Variants in RYR2 observed in about 807,000 individuals in gnomAD.
The protein encoded by RYR2 is ryanodine receptor 2, also known as cardiac muscle ryanodine receptor-calcium release channel.
A neutral mutation model predicts 601.1 loss-of-function variants in RYR2; 227 were observed. The observed-to-expected ratio is 0.38, with a 90% CI of 0.34 to 0.42. RYR2 has a LOEUF of 0.42. Ranked by LOEUF, RYR2 falls within the 10% of genes least tolerant of loss-of-function variation. RYR2 has a pLI of 1.00. For missense variants in RYR2, 4,646 were observed against 6,156.5 expected (o/e 0.75, Z 8.21); for synonymous variants, 2,223 against 2,175.1 (o/e 1.02, Z -0.61).
Position 237,833,017 on chromosome 1 carries a change from T to A in RYR2, c.*370T>A. ...GCCACACTCACCCAGCCTCTTTATT[T>A]CACCATCCTGGAAGGAAACTGTCTG... On this transcript the variant is annotated 3_prime_UTR_variant, in exon 105 of 105. Transcript: ENST00000366574. The A allele has an allele frequency of 2.9e-5, 5 of 172,338 alleles. No individual in the cohort carries two copies. The highest frequency in any genetic ancestry group is 3.1e-4 in the South Asian group (2 of 6,468). 10.7% of individuals were successfully genotyped at this position (172,338 alleles called of 1,614,324 possible).
At chr1:237,204,167 C>T (rs570917924) in intron 1 of RYR2, among the ~76,000 whole-genome samples, 50 of 152,254 alleles carry the variant, frequency 3.3e-4, no homozygotes, top group African/African-American at 1.1e-3. Flanking sequence ...TGTGCCACCA[C>T]GCCTGGCTAA....
chr1:237,247,372 T>C (rs1349420520), intron 1 of RYR2, among the ~76,000 whole-genome samples: 1 of 152,180 alleles, frequency 6.6e-6, no homozygotes, highest in Non-Finnish European at 1.5e-5. Flanking sequence ...GAGTGCCCAC[T>C]CTCCCTTTCT....
At chr1:237,226,531 TAC>T (rs1364043305) in intron 1 of RYR2, among the ~76,000 whole-genome samples, 1 of 152,172 alleles carries the variant, frequency 6.6e-6, no homozygotes, top group East Asian at 1.9e-4. Context: ...CAGAAAGCAG[TAC>T]TTGGAGAGAC....
At chr1:237,521,173 G>A (rs943833149) in intron 24 of RYR2, among the ~76,000 whole-genome samples, 6 of 147,860 alleles carry the variant, frequency 4.1e-5, no homozygotes, top group African/African-American at 1.5e-4. Context: ...AAAAAGTCAA[G>A]GAGCAGGAAA....
chr1:237,200,014 G>A (rs1267331456), intron 1 of RYR2, among the ~76,000 whole-genome samples: 1 of 152,100 alleles, frequency 6.6e-6, no homozygotes, highest in Non-Finnish European at 1.5e-5. Flanking sequence ...TTCTTTACAA[G>A]TGATAGCTCA....
intron 14 of RYR2, among the ~76,000 whole-genome samples, chr1:237,448,999 T>A (rs1474325608): frequency 6.6e-6 from 1 of 152,158 alleles, no homozygotes; most frequent in Non-Finnish European, 1.5e-5. Flanking sequence ...CTTAAGTCTG[T>A]CTTCTTCCTA....
intron 2 of RYR2, among the ~76,000 whole-genome samples, chr1:237,313,339 GA>G (rs1694765346): frequency 6.6e-6 from 1 of 152,138 alleles, no homozygotes; most frequent in Non-Finnish European, 1.5e-5. Flanking sequence ...GGATTTTGGG[GA>G]GATTTTCCTT....
intron 1 of RYR2, among the ~76,000 whole-genome samples, chr1:237,215,834 ATT>A (rs1288360163): frequency 2.6e-5 from 4 of 152,184 alleles, no homozygotes; most frequent in Non-Finnish European, 5.9e-5. Flanking sequence ...ATGGATTCAT[ATT>A]TTAGTAAGCC....
intron 76 of RYR2, among the ~76,000 whole-genome samples, chr1:237,729,789 G>A (rs902425407): frequency 6.6e-6 from 1 of 152,038 alleles, no homozygotes; most frequent in Non-Finnish European, 1.5e-5. Flanking sequence ...TTTTGTTTTG[G>A]AATCCTCAGG....
chr1:237,517,694 A>G (rs1052306373), intron 24 of RYR2, among the ~76,000 whole-genome samples: 11 of 152,158 alleles, frequency 7.2e-5, no homozygotes, highest in African/African-American at 2.7e-4. Context: ...AAGTTAAAAG[A>G]AAGATACAGA....
At chr1:237,473,470 T>TTTCTTTCTTTCTTTCTTTC (rs1402083497) in intron 17 of RYR2, among the ~76,000 whole-genome samples, 3 of 149,182 alleles carry the variant, frequency 2.0e-5, no homozygotes, top group African/African-American at 4.9e-5. Context: ...TCTATCTATC[T>TTTCTTTCTTTCTTTCTTTC]ATCTATCTGG....
At chr1:237,452,247 G>A (rs950919965) in intron 14 of RYR2, among the ~76,000 whole-genome samples, 1 of 143,688 alleles carries the variant, frequency 7.0e-6, no homozygotes, top group Non-Finnish European at 1.5e-5. Flanking sequence ...ATATTATAAT[G>A]TATAGTATAG....
chr1:237,269,780 C>A (rs1689496772), intron 1 of RYR2, among the ~76,000 whole-genome samples: 1 of 152,154 alleles, frequency 6.6e-6, no homozygotes. Flanking sequence ...CTTGCTTGTC[C>A]TAAAGTCCGT....
chr1:237,778,513 T>G lies in RYR2; in HGVS notation c.11776-153T>G, dbSNP rs548339682. Among the ~76,000 whole-genome samples, 4 of 152,318 alleles carry G rather than the reference T, an allele frequency of 2.6e-5. No individual in the cohort carries two copies. The East Asian group carries it at 5.8e-4, about 22-fold the overall frequency. ...CTTAAGGATCATTATCATCACTGTA[T>G]CTCCTTCTTTCACTTTGAGTTCCTA... On this transcript the variant is annotated intron_variant, in intron 87 of 104. Transcript: ENST00000366574.
At chr1:237,730,116 C>T (rs1304407680) in intron 76 of RYR2, 144 bp from the exon 77 acceptor site, 9 of 576,020 alleles carry the variant, frequency 1.6e-5, no homozygotes, top group Non-Finnish European at 2.8e-5. Context: ...GAAGCATTGT[C>T]TTTCAGGAGG....
intron 12 of RYR2, among the ~76,000 whole-genome samples, chr1:237,425,635 A>G (rs1166706248): frequency 6.7e-6 from 1 of 148,930 alleles, no homozygotes; most frequent in Non-Finnish European, 1.5e-5. Flanking sequence ...CTCTGTCTCA[A>G]AAAAAAAAAG....
chr1:237,481,122 A>ATATATG (rs1662037581), intron 17 of RYR2, among the ~76,000 whole-genome samples: 1 of 138,560 alleles, frequency 7.2e-6, no homozygotes, highest in African/African-American at 3.0e-5. Flanking sequence ...ATATATATAT[A>ATATATG]TATACACACA....
At chr1:237,782,779 A>G (rs927246343) in intron 89 of RYR2, among the ~76,000 whole-genome samples, 3 of 152,200 alleles carry the variant, frequency 2.0e-5, no homozygotes, top group East Asian at 1.9e-4. Flanking sequence ...TATCAGTTCA[A>G]TGGTAATATT....
intron 1 of RYR2, among the ~76,000 whole-genome samples, chr1:237,164,201 C>T (rs546560342): frequency 2.3e-4 from 35 of 152,318 alleles, no homozygotes; most frequent in Non-Finnish European, 4.4e-4. Context: ...GCGAGAGAAT[C>T]GCTTGAAACC....
Sources: allele counts gnomAD v4.1 joint callset (sites outside exome capture counted in the v4.1 genomes callset), GRCh38; gene constraint gnomAD v4.1.1; transcripts MANE v1.5; gene names NCBI Gene and HGNC (gene_info 2026-07-23, HGNC 2026-07-21).